The following PCBP3 variants were observed in gnomAD, a reference collection of about 807,000 sequenced individuals.
PCBP3 encodes the protein poly(rC) binding protein 3.
PCBP3 carries 25 observed loss-of-function variants against 52.7 expected under a neutral mutation model. The ratio of observed to expected loss-of-function variants is 0.47; its 90% confidence interval spans 0.35 to 0.66. The LOEUF (loss-of-function observed/expected upper bound fraction) is 0.66. Among genes scored for constraint, PCBP3 ranks in the 30% least tolerant of loss-of-function variants. The pLI is 0.01. For missense variants in PCBP3, 391 were observed against 490.3 expected, an observed-to-expected ratio of 0.80 and a Z score of 1.91; for synonymous variants, 162 against 183.0, an observed-to-expected ratio of 0.89 and a Z score of 0.93.
chr21:45,686,134 T>C (rs1017151670), intron 2 of PCBP3, among the ~76,000 whole-genome samples: 1 of 152,040 alleles, frequency 6.6e-6, no homozygotes, highest in Non-Finnish European at 1.5e-5. Flanking sequence ...GCCAGGCTGG[T>C]CTCAAACTCC....
chr21:45,810,662 A>G (rs1210699655), intron 4 of PCBP3, among the ~76,000 whole-genome samples: 2 of 152,170 alleles, frequency 1.3e-5, no homozygotes, highest in African/African-American at 4.8e-5. Flanking sequence ...GTCAGATTTT[A>G]AAACCAGAGT....
chr21:45,747,476 A>AGTT (rs1174858219), intron 3 of PCBP3, among the ~76,000 whole-genome samples: 3 of 152,238 alleles, frequency 2.0e-5, no homozygotes, highest in Non-Finnish European at 2.9e-5. Context: ...ACAAGCCCTA[A>AGTT]CATCCATAGG....
At position 45,791,463 on chromosome 21, in the gene PCBP3, G is replaced by C. The variant is rs547919189; in HGVS notation, c.-126+36011G>C. 6.6e-6 allele frequency among the ~76,000 whole-genome samples: 1 copy of C among 152,190 alleles called. No homozygotes were observed. Among genetic ancestry groups the C allele is most frequent in the East Asian group, 1.9e-4 (1 of 5,162 alleles). ...GAGAGTGAGACTTTAATAGGGTGTG[G>C]CTTTTGTCAAGCAAGGACAAGGAAC... On this transcript the variant is annotated intron_variant, in intron 4 of 17. Coordinates refer to ENST00000681687, the MANE Select transcript of PCBP3 (RefSeq NM_001384156.1). This position sits in a 1 kb window ranked among gnomAD's most constrained non-coding sequence, Gnocchi z 4.2.
chr21:45,855,055 G>A (rs925859904), intron 5 of PCBP3, among the ~76,000 whole-genome samples: 5 of 152,296 alleles, frequency 3.3e-5, no homozygotes, highest in East Asian at 1.9e-4. Flanking sequence ...GCCTTATGGC[G>A]ACAATAGTGG....
intron 1 of PCBP3, among the ~76,000 whole-genome samples, chr21:45,664,025 T>TC (rs1485147674): frequency 2.1e-5 from 3 of 139,684 alleles, no homozygotes; most frequent in Admixed American, 7.1e-5. Flanking sequence ...TTTTTCTTTT[T>TC]TTTTTTTTAA....
At chr21:45,651,774 G>A (rs1315233977) in intron 1 of PCBP3, among the ~76,000 whole-genome samples, 1 of 152,198 alleles carries the variant, frequency 6.6e-6, no homozygotes, top group Non-Finnish European at 1.5e-5. Flanking sequence ...CTCAAAGGTT[G>A]TAAATGTTTT....
At chr21:45,672,875 G>C (rs1431595333) in intron 2 of PCBP3, among the ~76,000 whole-genome samples, 1 of 152,188 alleles carries the variant, frequency 6.6e-6, no homozygotes, top group Non-Finnish European at 1.5e-5. Flanking sequence ...CTGTCTCTCT[G>C]AAGCCAGCTA....
At chr21:45,868,405 T>C (rs995421932) in intron 5 of PCBP3, among the ~76,000 whole-genome samples, 6 of 139,354 alleles carry the variant, frequency 4.3e-5, no homozygotes, top group African/African-American at 1.3e-4. Context: ...TGTTGACTTA[T>C]TTGTTCTTTT....
chr21:45,702,987 A>G (rs537787680), intron 2 of PCBP3, among the ~76,000 whole-genome samples: 1 of 152,100 alleles, frequency 6.6e-6, no homozygotes, highest in South Asian at 2.1e-4. Context: ...TCAAGTAACC[A>G]CTTTTCTGCT....
intron 5 of PCBP3, among the ~76,000 whole-genome samples, chr21:45,894,430 C>T (rs961458192): frequency 4.6e-5 from 7 of 152,140 alleles, no homozygotes; most frequent in Non-Finnish European, 7.4e-5. Context: ...TCCATGTGTG[C>T]GGGTCCGTCG....
chr21:45,911,112 G>A (rs778172349), intron 11 of PCBP3, 82 bp downstream of exon 11: 43 of 1,515,120 alleles, frequency 2.8e-5, no homozygotes, highest in South Asian at 1.0e-4. Flanking sequence ...TGGAAGCCCC[G>A]GTCGCCCCAA....
chr21:45,655,711 A>G (rs1266460953), intron 1 of PCBP3, among the ~76,000 whole-genome samples: 1 of 152,220 alleles, frequency 6.6e-6, no homozygotes, highest in Non-Finnish European at 1.5e-5. Context: ...CTATCATCAG[A>G]GTGAACAGGC....
chr21:45,835,208 C>T (rs1414341661), intron 4 of PCBP3, among the ~76,000 whole-genome samples: 5 of 152,202 alleles, frequency 3.3e-5, no homozygotes, highest in South Asian at 2.1e-4. Flanking sequence ...CCCTGGGCCC[C>T]GGGGGCGGGG....
intron 5 of PCBP3, among the ~76,000 whole-genome samples, chr21:45,877,320 A>G (rs1215409821): frequency 6.6e-6 from 1 of 152,188 alleles, no homozygotes; most frequent in Non-Finnish European, 1.5e-5. Flanking sequence ...CTGGATTTAT[A>G]TATGGAAAAA....
intron 5 of PCBP3, chr21:45,872,590 C>T (rs1011341497): frequency 3.9e-5 from 6 of 152,200 alleles, no homozygotes; most frequent in African/African-American, 9.7e-5. Context: ...AAGTGCCCTC[C>T]GAGCTTCTAC....
chr21:45,930,939 T>C lies in PCBP3; in HGVS notation c.856+94T>C. 3 of 1,549,534 alleles carry C rather than the reference T, an allele frequency of 1.9e-6. No individual in the cohort carries two copies. The South Asian group carries it at 3.5e-5, about 18-fold the overall frequency. On this transcript the variant is annotated intron_variant, in intron 15 of 17. Transcript: ENST00000681687. ...GTGGGGGCCCTGCCGCTGCAGCAGT[T>C]TCCAGCTTCCATGGGAGGCTGTGGG...
chr21:45,807,086 G>T (rs1035285374), intron 4 of PCBP3, among the ~76,000 whole-genome samples: 2 of 152,114 alleles, frequency 1.3e-5, no homozygotes, highest in Non-Finnish European at 2.9e-5. Flanking sequence ...AATATCACAC[G>T]AATGGGCAAA....
chr21:45,723,585 T>A lies in PCBP3; in HGVS notation c.-199-11807T>A, dbSNP rs568944593. On this transcript the variant is annotated intron_variant, in intron 2 of 17. Transcript: ENST00000681687. Reference sequence around the variant, plus strand: ...TTTGTAAGATTGAAACATGGGTATATGTATCTATATTGACACATACCTGAA... The same window carrying A: ...TTTGTAAGATTGAAACATGGGTATAAGTATCTATATTGACACATACCTGAA... Among the ~76,000 whole-genome samples, 6 of 152,364 alleles carry A rather than the reference T, an allele frequency of 3.9e-5. No individual in the cohort carries two copies. In the South Asian group the frequency reaches 1.2e-3, roughly 32 times the overall value.
At chr21:45,841,516 T>C (rs1195276088) in intron 4 of PCBP3, among the ~76,000 whole-genome samples, 1 of 152,234 alleles carries the variant, frequency 6.6e-6, no homozygotes, top group African/African-American at 2.4e-5. Context: ...TAAATTATGT[T>C]CTTCTAAAAT....
Sources: allele counts gnomAD v4.1 joint callset (sites outside exome capture counted in the v4.1 genomes callset), GRCh38; gene constraint gnomAD v4.1.1; non-coding constraint Gnocchi (gnomAD v3.1); transcripts MANE v1.5; gene names NCBI Gene and HGNC (gene_info 2026-07-23, HGNC 2026-07-21).